Variants in FSTL4 observed in about 807,000 individuals in gnomAD.
The protein encoded by FSTL4 is follistatin like 4.
FSTL4 carries 28 observed loss-of-function variants against 78.2 expected under a neutral mutation model. The observed-to-expected ratio is 0.36, with a 90% CI of 0.27 to 0.49. The LOEUF is 0.49. Ranked by LOEUF, FSTL4 falls within the 20% of genes least tolerant of loss-of-function variation. The pLI, the probability that FSTL4 is intolerant of heterozygous loss-of-function variation, is 0.98. For missense variants in FSTL4, 922 were observed against 1,084.9 expected, an observed-to-expected ratio of 0.85 and a Z score of 2.11; for synonymous variants, 422 against 440.5, an observed-to-expected ratio of 0.96 and a Z score of 0.53.
the FSTL4 span, among the ~76,000 whole-genome samples, chr5:133,791,661 C>T: frequency 1.3e-5 from 2 of 152,252 alleles, no homozygotes; most frequent in South Asian, 2.1e-4. Flanking sequence ...TCTTACCAAA[C>T]TGCCCTCGTC....
At chr5:133,501,017 AG>A (rs1311986424) in intron 3 of FSTL4, among the ~76,000 whole-genome samples, 3 of 152,052 alleles carry the variant, frequency 2.0e-5, no homozygotes, top group African/African-American at 7.2e-5. Context: ...GATAAAAGGG[AG>A]ACTCTAAGTG....
At chr5:133,411,436 G>C (rs1756475718) in intron 3 of FSTL4, among the ~76,000 whole-genome samples, 1 of 152,162 alleles carries the variant, frequency 6.6e-6, no homozygotes, top group Admixed American at 6.5e-5. Flanking sequence ...GAGATGTCAA[G>C]TCTTCCAAGG....
At chr5:133,294,401 C>A (rs938305923) in intron 6 of FSTL4, among the ~76,000 whole-genome samples, 1 of 152,142 alleles carries the variant, frequency 6.6e-6, no homozygotes, top group African/African-American at 2.4e-5. Context: ...TAAAAAGAGA[C>A]CCTGCCTCAG....
the FSTL4 span, among the ~76,000 whole-genome samples, chr5:133,636,868 G>C: frequency 6.6e-6 from 1 of 152,072 alleles, no homozygotes. Flanking sequence ...CTGAACATTG[G>C]TGCTTAACAG....
chr5:133,342,000 G>A (rs1478719057), intron 4 of FSTL4, among the ~76,000 whole-genome samples: 3 of 152,136 alleles, frequency 2.0e-5, no homozygotes, highest in Non-Finnish European at 2.9e-5. Context: ...TTTCTCTGAG[G>A]CTAGAGCCAT....
the FSTL4 span, among the ~76,000 whole-genome samples, chr5:133,742,122 C>A: frequency 3.9e-5 from 6 of 152,350 alleles, no homozygotes; most frequent in East Asian, 9.6e-4. Context: ...ACCCTCTTAC[C>A]CTTGGCGGGT....
At chr5:133,656,290 CAT>C in the FSTL4 span, among the ~76,000 whole-genome samples, 1 of 152,076 alleles carries the variant, frequency 6.6e-6, no homozygotes, top group South Asian at 2.1e-4. Context: ...GTATAAAACA[CAT>C]GTCTCTAAGT....
chr5:133,353,465 A>C (rs1020904810), intron 4 of FSTL4, among the ~76,000 whole-genome samples: 2 of 152,104 alleles, frequency 1.3e-5, no homozygotes, highest in Non-Finnish European at 2.9e-5. Context: ...CCCCCAAAAG[A>C]GGCCCCAGGC....
chr5:133,721,928 A>C, the FSTL4 span, among the ~76,000 whole-genome samples: 1 of 152,132 alleles, frequency 6.6e-6, no homozygotes, highest in Admixed American at 6.5e-5. Context: ...TGTTTGCTTA[A>C]TGGTATCTCA....
chr5:133,234,027 G>A (rs1177456433), intron 7 of FSTL4, among the ~76,000 whole-genome samples: 6 of 152,104 alleles, frequency 3.9e-5, no homozygotes. Context: ...ACCCAACTCC[G>A]CCACTACAGC....
chr5:133,231,541 A>G (rs1387638703), intron 8 of FSTL4, among the ~76,000 whole-genome samples: 5 of 152,110 alleles, frequency 3.3e-5, no homozygotes, highest in African/African-American at 1.2e-4. Flanking sequence ...AGGCACACAC[A>G]TTCATTTTCT....
rs201092664 is a variant in FSTL4, at chr5:133,458,603, T to C, written c.161-57617A>G. On this transcript the variant is annotated intron_variant, in intron 3 of 15. Transcript: ENST00000265342. ...GTTGGAATCCCCGTCCTTCTGCATC[T>C]GGCAAGCCACATGTCCTCTCTGGGC... 5.3e-5 allele frequency among the ~76,000 whole-genome samples: 8 copies of C among 152,378 alleles called. No homozygotes were observed. The East Asian group carries it at 1.5e-3, about 29-fold the overall frequency.
At chr5:133,825,648 G>A in the FSTL4 span, among the ~76,000 whole-genome samples, 2 of 152,362 alleles carry the variant, frequency 1.3e-5, no homozygotes, top group Admixed American at 1.3e-4. Flanking sequence ...GCAGGGAGGG[G>A]CATGGCCCTC....
intron 3 of FSTL4, among the ~76,000 whole-genome samples, chr5:133,445,938 G>C (rs966915978): frequency 6.6e-6 from 1 of 152,180 alleles, no homozygotes; most frequent in African/African-American, 2.4e-5. Context: ...TGCCATTCTA[G>C]GCAAACCACG....
intron 14 of FSTL4, among the ~76,000 whole-genome samples, chr5:133,209,234 G>C (rs1037979661): frequency 2.0e-5 from 3 of 152,116 alleles, no homozygotes; most frequent in Admixed American, 2.0e-4. Context: ...TCAGAGTATA[G>C]AAACTGAAGT....
At chr5:133,334,303 C>G (rs10515458) in intron 4 of FSTL4, among the ~76,000 whole-genome samples, 1 of 152,104 alleles carries the variant, frequency 6.6e-6, no homozygotes, top group Non-Finnish European at 1.5e-5. Context: ...TCACATGAAG[C>G]TTTTCTTTAC....
chr5:133,836,778 T>G, the FSTL4 span, among the ~76,000 whole-genome samples: 1 of 152,238 alleles, frequency 6.6e-6, no homozygotes, highest in Non-Finnish European at 1.5e-5. Context: ...GATATTTCAG[T>G]GCCTTCAAGC....
chr5:133,525,291 C>T (rs1759070079), intron 3 of FSTL4, among the ~76,000 whole-genome samples: 1 of 152,230 alleles, frequency 6.6e-6, no homozygotes, highest in Admixed American at 6.5e-5. Context: ...GTTGTTTCCC[C>T]CTGCACTGCC....
At chr5:133,679,984 A>G in the FSTL4 span, among the ~76,000 whole-genome samples, 1 of 152,186 alleles carries the variant, frequency 6.6e-6, no homozygotes, top group African/African-American at 2.4e-5. Context: ...ATAAGACTGT[A>G]CTAGAACTCA....
Sources: gnomAD v4.1 joint callset for allele counts (sites outside exome capture counted in the v4.1 genomes callset) on GRCh38, gnomAD v4.1.1 for gene constraint, MANE v1.5 for transcripts, NCBI Gene and HGNC (gene_info 2026-07-23, HGNC 2026-07-21) for gene names.